The following DACH1 variants were observed in gnomAD, a reference collection of about 807,000 sequenced individuals.
DACH1 encodes the protein dachshund family transcription factor 1, also known as dachshund homolog 1.
A neutral mutation model predicts 54.2 loss-of-function variants in DACH1; 12 were observed. The observed-to-expected ratio is 0.22, with a 90% CI of 0.14 to 0.36. The LOEUF (loss-of-function observed/expected upper bound fraction) is 0.36, where lower values mean the gene tolerates loss of function less well. Among genes scored for constraint, DACH1 ranks in the 10% least tolerant of loss-of-function variants. The pLI is 1.00. For missense variants in DACH1, 805 were observed against 929.8 expected (o/e 0.87, Z 1.75); for synonymous variants, 386 against 366.2 (o/e 1.05, Z -0.62).
At chr13:71,636,215 G>A (rs941007178) in intron 2 of DACH1, among the ~76,000 whole-genome samples, 2 of 152,016 alleles carry the variant, frequency 1.3e-5, no homozygotes, top group Non-Finnish European at 2.9e-5. Context: ...ATGGACTAAG[G>A]AATCTGTGGT....
intron 3 of DACH1, among the ~76,000 whole-genome samples, chr13:71,615,711 T>C (rs539845899): frequency 1.3e-5 from 2 of 152,232 alleles, no homozygotes; most frequent in East Asian, 3.9e-4. Context: ...AGATCTTGGA[T>C]AAGAAATGAA....
intron 3 of DACH1, among the ~76,000 whole-genome samples, chr13:71,617,828 T>C (rs1875898574): frequency 6.6e-6 from 1 of 152,054 alleles, no homozygotes; most frequent in Non-Finnish European, 1.5e-5. Context: ...TCAAAAGCAA[T>C]CAATAAAAAA....
chr13:71,846,276 G>C, intron 1 of DACH1: 1 of 240,436 alleles, frequency 4.2e-6, no homozygotes. Context: ...TAAGGCCACT[G>C]GACACAGAAT....
chr13:71,595,035 T>G (rs1232911008), intron 3 of DACH1, among the ~76,000 whole-genome samples: 1 of 152,168 alleles, frequency 6.6e-6, no homozygotes, highest in East Asian at 1.9e-4. Context: ...GGAGACAGGT[T>G]GCAATCTAAA....
At chr13:71,464,325 C>A (rs895314318) in intron 10 of DACH1, among the ~76,000 whole-genome samples, 4 of 151,758 alleles carry the variant, frequency 2.6e-5, no homozygotes, top group Non-Finnish European at 5.9e-5. Context: ...TGAAATTGAA[C>A]TTTCTTTATT....
At chr13:71,813,105 T>C (rs1887781713) in intron 1 of DACH1, among the ~76,000 whole-genome samples, 3 of 152,210 alleles carry the variant, frequency 2.0e-5, no homozygotes, top group Non-Finnish European at 2.9e-5. Flanking sequence ...TAATGGACTT[T>C]ATTCATTGAA....
intron 1 of DACH1, among the ~76,000 whole-genome samples, chr13:71,802,384 AAAT>A (rs1214199066): frequency 6.6e-6 from 1 of 152,118 alleles, no homozygotes; most frequent in Admixed American, 6.6e-5. Context: ...ATTATTTGTT[AAAT>A]AATTGTTTGA....
At position 71,559,968 on chromosome 13, in the gene DACH1, G is replaced by A. The variant is rs866262487; in HGVS notation, c.1300-13C>T. 1 of 1,507,536 alleles carries A rather than the reference G, an allele frequency of 6.6e-7. No individual in the cohort carries two copies. Among genetic ancestry groups the A allele is most frequent in the South Asian group, 1.3e-5 (1 of 75,616 alleles). The allele number at this position is 1,507,536 out of a possible 1,614,324, so 93.4% of individuals were successfully genotyped here. A position where few individuals can be genotyped will look rare whatever the true frequency, so the allele number is the denominator to read the frequency against. On this transcript the variant is annotated splice_polypyrimidine_tract_variant and intron_variant, in intron 4 of 10. Coordinates refer to ENST00000613252, the MANE Select transcript of DACH1 (RefSeq NM_080759.6). ...CAGGAACACGCTCCTGCACCAGCAA[G>A]AGAGGGAAGGAGGGTAGAAAAGATG... is the stretch of plus-strand genomic sequence containing the variant.
At chr13:71,536,409 C>G (rs138439870) in intron 6 of DACH1, among the ~76,000 whole-genome samples, 1 of 152,080 alleles carries the variant, frequency 6.6e-6, no homozygotes, top group Non-Finnish European at 1.5e-5. Context: ...CCTTGCTATT[C>G]AAACCCTAGG....
intron 1 of DACH1, among the ~76,000 whole-genome samples, chr13:71,726,007 G>A (rs7995251): frequency 0.039 from 5,987 of 152,032 alleles, 275 homozygotes; most frequent in African/African-American, 0.11. Context: ...TGAAAGTTAC[G>A]GACCCCTTTA....
At chr13:71,571,053 A>T (rs1044109920) in intron 4 of DACH1, among the ~76,000 whole-genome samples, 94 of 152,314 alleles carry the variant, frequency 6.2e-4, no homozygotes, top group Non-Finnish European at 4.7e-4. Flanking sequence ...TTAGACACCC[A>T]TTATGACTTT....
chr13:71,832,596 A>T (rs17088512), intron 1 of DACH1, among the ~76,000 whole-genome samples: 1 of 151,856 alleles, frequency 6.6e-6, no homozygotes, highest in African/African-American at 2.4e-5. Flanking sequence ...ATTATACTTA[A>T]AAATCAAGTA....
chr13:71,612,505 A>G (rs2138519394), intron 3 of DACH1, among the ~76,000 whole-genome samples: 1 of 152,170 alleles, frequency 6.6e-6, no homozygotes, highest in South Asian at 2.1e-4. Flanking sequence ...TATTTTCCCT[A>G]CCTAATAACC....
intron 3 of DACH1, among the ~76,000 whole-genome samples, chr13:71,590,688 T>G (rs6562677): frequency 6.6e-6 from 1 of 152,102 alleles, no homozygotes; most frequent in Non-Finnish European, 1.5e-5. Context: ...TGACATTTTA[T>G]TTATAAGAAT....
chr13:71,563,872 T>A (rs1271964717), intron 4 of DACH1, among the ~76,000 whole-genome samples: 1 of 151,716 alleles, frequency 6.6e-6, no homozygotes, highest in Non-Finnish European at 1.5e-5. Flanking sequence ...CAAGTGTTTA[T>A]GATTTAAAAG....
chr13:71,710,509 T>TGA (rs1477183618), intron 1 of DACH1, among the ~76,000 whole-genome samples: 1 of 150,826 alleles, frequency 6.6e-6, no homozygotes, highest in Non-Finnish European at 1.5e-5. Flanking sequence ...TGTGTGTGTG[T>TGA]GATGAACAGG....
At chr13:71,608,976 G>T (rs1361713551) in intron 3 of DACH1, among the ~76,000 whole-genome samples, 1 of 152,002 alleles carries the variant, frequency 6.6e-6, no homozygotes, top group Non-Finnish European at 1.5e-5. Context: ...CATGCAAATG[G>T]ACAAAAGATA....
intron 1 of DACH1, among the ~76,000 whole-genome samples, chr13:71,728,408 C>T (rs1299988996): frequency 3.3e-5 from 5 of 151,762 alleles, no homozygotes; most frequent in Non-Finnish European, 5.9e-5. Flanking sequence ...ATTTTGCTCC[C>T]GAAGAGTCTA....
chr13:71,829,523 C>T (rs1321218723), intron 1 of DACH1, among the ~76,000 whole-genome samples: 1 of 151,782 alleles, frequency 6.6e-6, no homozygotes, highest in Non-Finnish European at 1.5e-5. Context: ...TACTTATTTC[C>T]TCCTCAAACC....
Sources: gnomAD v4.1 joint callset for allele counts (sites outside exome capture counted in the v4.1 genomes callset) on GRCh38, gnomAD v4.1.1 for gene constraint, MANE v1.5 for transcripts, NCBI Gene and HGNC (gene_info 2026-07-23, HGNC 2026-07-21) for gene names.